Variants in CSF2RA observed in about 807,000 individuals in gnomAD.
CSF2RA encodes colony stimulating factor 2 receptor subunit alpha.
In CSF2RA, 42 loss-of-function variants were observed where a neutral mutation model predicts 51.6. The observed-to-expected ratio is 0.81, with a 90% CI of 0.64 to 1.05. The LOEUF is 1.05. Among genes scored for constraint, CSF2RA ranks in the 50% least tolerant of loss-of-function variants. The probability of loss-of-function intolerance (pLI) is 0.00; values close to 1 mark genes in which losing one functional copy is unlikely to be tolerated. For synonymous variants in CSF2RA, 222 were observed against 193.0 expected (o/e 1.15, Z -1.24); for missense variants, 530 against 501.1 (o/e 1.06, Z -0.55).
At chrX:1,269,336 C>T (rs1194738256) in intron 1 of CSF2RA, among the ~76,000 whole-genome samples, 3 of 151,960 alleles carry the variant, frequency 2.0e-5, no homozygotes, top group African/African-American at 7.2e-5. Context: ...GAGAGATGAA[C>T]GCGGCCGGGC....
downstream of CSF2RA, among the ~76,000 whole-genome samples, chrX:1,315,297 T>C (rs1334550256): frequency 1.3e-5 from 2 of 151,994 alleles, no homozygotes; most frequent in African/African-American, 2.4e-5. Context: ...AGATGACAGA[T>C]GAAAAATATA....
chrX:1,283,032 C>T (rs1383349420), intron 3 of CSF2RA, among the ~76,000 whole-genome samples: 5 of 152,130 alleles, frequency 3.3e-5, no homozygotes, highest in East Asian at 3.9e-4. Context: ...TTTAACCCAA[C>T]GACCATCCAG....
At chrX:1,305,551 T>TG in intron 12 of CSF2RA, 24 bp downstream of exon 12, 1 of 1,613,978 alleles carries the variant, frequency 6.2e-7, no homozygotes, top group Non-Finnish European at 8.5e-7. Flanking sequence ...GGCGGAGCAG[T>TG]GACCTGGGAT....
At chrX:1,311,046 G>A (rs1343006353), downstream of CSF2RA, among the ~76,000 whole-genome samples, 1 of 151,854 alleles carries the variant, frequency 6.6e-6, no homozygotes, top group Non-Finnish European at 1.5e-5. Flanking sequence ...TCATGAGTTC[G>A]AGACCAGCCT....
the CSF2RA span, among the ~76,000 whole-genome samples, chrX:1,317,096 A>G: frequency 8.6e-5 from 13 of 151,536 alleles, no homozygotes; most frequent in South Asian, 2.1e-4. Context: ...ACAGGTGCCC[A>G]CCACCATGCC....
chrX:1,312,719 G>C (rs1233337686), downstream of CSF2RA, among the ~76,000 whole-genome samples: 1 of 152,176 alleles, frequency 6.6e-6, no homozygotes, highest in East Asian at 1.9e-4. Flanking sequence ...AGAGAGCCGA[G>C]CTTGGGATGG....
chrX:1,281,086 CCTCCTGCTCCCCTTCTCCTCCTCCTT>C (rs2089965394), intron 2 of CSF2RA, among the ~76,000 whole-genome samples: 1 of 82,238 alleles, frequency 1.2e-5, no homozygotes, highest in African/African-American at 4.7e-5. Context: ...TCCTCCTTCT[CCTCCTGCTCCCCTTCTCCTCCTCCTT>C]CTCCTCCTCC....
chrX:1,279,875 C>T (rs1299760972), intron 2 of CSF2RA, among the ~76,000 whole-genome samples: 1 of 151,880 alleles, frequency 6.6e-6, no homozygotes, highest in African/African-American at 2.4e-5. Context: ...CTGCAGCCTC[C>T]ACCTCCTGGG....
chrX:1,321,109 G>A, the CSF2RA span, among the ~76,000 whole-genome samples: 1 of 152,026 alleles, frequency 6.6e-6, no homozygotes, highest in Non-Finnish European at 1.5e-5. Context: ...CTCCCAAAGT[G>A]CTGAGATTAT....
intron 9 of CSF2RA, 101 bp from the exon 10 acceptor site, chrX:1,300,390 A>G: frequency 7.1e-7 from 1 of 1,405,288 alleles, no homozygotes; most frequent in Non-Finnish European, 9.8e-7. Flanking sequence ...AAAGAAAAAA[A>G]GAAAAGGAGA....
chrX:1,281,655 T>C (rs2090086358), intron 2 of CSF2RA, among the ~76,000 whole-genome samples: 1 of 152,004 alleles, frequency 6.6e-6, no homozygotes, highest in Non-Finnish European at 1.5e-5. Context: ...CATCCCTCCA[T>C]CTGCCCAACG....
At chrX:1,275,434 T>A (rs1159447704) in intron 2 of CSF2RA, among the ~76,000 whole-genome samples, 1 of 151,994 alleles carries the variant, frequency 6.6e-6, no homozygotes, top group East Asian at 1.9e-4. Context: ...GAGCCAAATA[T>A]GAGTGAGCAA....
At chrX:1,316,549 A>G in the CSF2RA span, among the ~76,000 whole-genome samples, 3 of 152,194 alleles carry the variant, frequency 2.0e-5, no homozygotes, top group African/African-American at 4.8e-5. Context: ...CTAGGTCTTC[A>G]GTGCACAGCG....
chrX:1,272,498 ATTTTT>A (rs1418475133), intron 1 of CSF2RA, among the ~76,000 whole-genome samples: 7 of 84,544 alleles, frequency 8.3e-5, no homozygotes, highest in Non-Finnish European at 2.0e-4. Context: ...ATTTTATTTT[ATTTTT>A]TTGAGACAGC....
intron 3 of CSF2RA, 46 bp from the exon 4 acceptor site, chrX:1,285,715 AAAAAAAAAAAAAAAAAG>A: frequency 1.9e-4 from 244 of 1,289,492 alleles, no homozygotes; most frequent in Middle Eastern, 2.9e-4. Flanking sequence ...AAAAAAAAAA[AAAAAAAAAAAAAAAAAG>A]GAAAAGAAAA....
intron 2 of CSF2RA, among the ~76,000 whole-genome samples, chrX:1,281,009 T>G (rs866855698): frequency 1.8e-5 from 1 of 55,420 alleles, no homozygotes; most frequent in African/African-American, 6.4e-5. Flanking sequence ...TCCTCCTCCT[T>G]CTCCTCCTCC....
chrX:1,286,582 A>T (rs867605075), intron 4 of CSF2RA, among the ~76,000 whole-genome samples: 20 of 141,696 alleles, frequency 1.4e-4, no homozygotes, highest in East Asian at 4.0e-4. Flanking sequence ...AAAAAAAAAA[A>T]AAATAATAAA....
At chrX:1,306,890 A>G (rs1349696861) in intron 12 of CSF2RA, among the ~76,000 whole-genome samples, 1 of 151,650 alleles carries the variant, frequency 6.6e-6, no homozygotes, top group Non-Finnish European at 1.5e-5. Flanking sequence ...AGAAAGAGAC[A>G]GAGAGCAAGG....
intron 1 of CSF2RA, among the ~76,000 whole-genome samples, chrX:1,273,820 G>A (rs764109602): frequency 6.8e-6 from 1 of 146,640 alleles, no homozygotes; most frequent in East Asian, 2.0e-4. Flanking sequence ...GGATGGTCTC[G>A]ATCTCCTGGC....
Sources: gnomAD v4.1 joint callset for allele counts (sites outside exome capture counted in the v4.1 genomes callset) on GRCh38, gnomAD v4.1.1 for gene constraint, MANE v1.5 for transcripts, NCBI Gene and HGNC (gene_info 2026-07-23, HGNC 2026-07-21) for gene names.